The following WNT3A variants were observed in gnomAD, a reference collection of about 807,000 sequenced individuals.
WNT3A encodes protein Wnt-3a.
A neutral mutation model predicts 37.0 loss-of-function variants in WNT3A; 17 were observed. The observed-to-expected ratio is 0.46, with a 90% CI of 0.31 to 0.69. The LOEUF (loss-of-function observed/expected upper bound fraction) is 0.69. WNT3A is among the 30% of genes least tolerant of loss of function. The pLI is 0.05. For missense variants in WNT3A, 411 were observed against 510.2 expected (o/e 0.81, Z 1.87); for synonymous variants, 187 against 211.0 (o/e 0.89, Z 0.99).
chr1:228,060,520 A>C lies in WNT3A; in HGVS notation c.*1055A>C. 3.2e-6 allele frequency: 1 copy of C among 314,560 alleles called. No homozygotes were observed. Among genetic ancestry groups the C allele is most frequent in the South Asian group, 2.7e-5 (1 of 36,410 alleles). The allele number at this position is 314,560 out of a possible 1,614,324, so 19.5% of individuals were successfully genotyped here. A position where few individuals can be genotyped will look rare whatever the true frequency, so the allele number is the denominator to read the frequency against. ...AGCTTAGTCCTGGGAGAGGACAGGGACTTCGCAGAGGCAAGCGACCGAGGC... is the reference window on the plus strand; with the variant it reads ...AGCTTAGTCCTGGGAGAGGACAGGGCCTTCGCAGAGGCAAGCGACCGAGGC... On this transcript the variant is annotated 3_prime_UTR_variant, in exon 4 of 4. Transcript: ENST00000284523.
intron 2 of WNT3A, among the ~76,000 whole-genome samples, chr1:228,026,773 G>T (rs1224162785): frequency 6.6e-6 from 1 of 152,144 alleles, no homozygotes; most frequent in Non-Finnish European, 1.5e-5. Flanking sequence ...CATCCAAATT[G>T]CTGCAAATGA....
intron 2 of WNT3A, among the ~76,000 whole-genome samples, chr1:228,043,428 A>C (rs1448214033): frequency 6.6e-6 from 1 of 152,054 alleles, no homozygotes; most frequent in African/African-American, 2.4e-5. Context: ...TCCAGTGGGA[A>C]CTCCGACAGT....
rs1156613570 is a variant in WNT3A at position 228,022,732 on chromosome 1, C to T, written c.137C>T (p.Pro46Leu). 3.7e-6 allele frequency: 6 copies of T among 1,614,034 alleles called. No homozygotes were observed. The highest frequency in any genetic ancestry group is 2.2e-5 in the East Asian group (1 of 44,878). ...CAGCCCATCCTGTGTGCCAGCATCC[C>T]GGGCCTGGTCCCCAAGCAGCTCCGC... ...GSQPILCASIPGLVPKQLRFC... is the reference protein window; with the variant it reads ...GSQPILCASILGLVPKQLRFC... The change falls in exon 2 of 4, where the codon CCG (proline) becomes CTG (leucine). Residue 46 changes from proline to leucine, a missense_variant. Coordinates refer to ENST00000284523, the MANE Select transcript of WNT3A (RefSeq NM_033131.4).
intron 3 of WNT3A, among the ~76,000 whole-genome samples, chr1:228,051,944 C>G (rs2031563121): frequency 6.6e-6 from 1 of 152,148 alleles, no homozygotes; most frequent in Middle Eastern, 3.2e-3. Flanking sequence ...ACAGCACAAG[C>G]CATTCATGAG....
Position 228,007,023 on chromosome 1 carries a change from C to A in WNT3A, c.-106C>A. 1.5e-6 allele frequency: 1 copy of A among 647,050 alleles called. No homozygotes were observed. The highest frequency in any genetic ancestry group is 2.0e-6 in the Non-Finnish European group (1 of 490,178). 40.1% of individuals were successfully genotyped at this position (647,050 alleles called of 1,614,324 possible). A position where few individuals can be genotyped will look rare whatever the true frequency, so the allele number is the denominator to read the frequency against. ...GCGCACACCCGCGCACCCGCGGCCG[C>A]AGGAGGGCCCAGCGACGCCGCCGCG... On this transcript the variant is annotated 5_prime_UTR_variant, in exon 1 of 4. Transcript: ENST00000284523. This position sits in a 1 kb window ranked among gnomAD's most constrained non-coding sequence, Gnocchi z 6.0.
intron 2 of WNT3A, among the ~76,000 whole-genome samples, chr1:228,036,265 T>C (rs2031139766): frequency 1.3e-5 from 2 of 152,138 alleles, no homozygotes; most frequent in Non-Finnish European, 2.9e-5. Context: ...GCCTCTTGTG[T>C]GTGTGTGCAC....
In WNT3A at chr1:228,007,133, C is replaced by A; in HGVS notation, c.5C>A (p.Ala2Asp). 1 of 1,586,638 alleles carries A rather than the reference C, an allele frequency of 6.3e-7. No individual in the cohort carries two copies. Residue 2 changes from alanine (A) to aspartate (D), a missense_variant, in exon 1 of 4, where the codon GCC (alanine) becomes GAC (aspartate). Coordinates refer to ENST00000284523, the MANE Select transcript of WNT3A (RefSeq NM_033131.4). The surrounding 1 kb of genome is among the most constrained non-coding windows in gnomAD (Gnocchi z 6.0). ...TCCGCGCCCTCTCGCGCGGCGATGG[C>A]CCCACTCGGATACTTCTTACTCCTC... Reference protein sequence around the residue: MAPLGYFLLLCS... With the variant: MDPLGYFLLLCS...
At chr1:228,049,275 G>C (rs2031492046) in intron 2 of WNT3A, among the ~76,000 whole-genome samples, 1 of 152,314 alleles carries the variant, frequency 6.6e-6, no homozygotes, top group Admixed American at 6.5e-5. Flanking sequence ...ACACTCTGGG[G>C]TCTGCACCCC....
chr1:228,030,166 G>A (rs992809150), intron 2 of WNT3A, among the ~76,000 whole-genome samples: 33 of 151,972 alleles, frequency 2.2e-4, no homozygotes, highest in African/African-American at 6.5e-4. Flanking sequence ...AGGCGGAGGC[G>A]GGCAGATCAC....
chr1:228,045,770 G>A lies in WNT3A; in HGVS notation c.314-4886G>A, dbSNP rs1255641546. Among the ~76,000 whole-genome samples, 3 of 152,200 alleles carry A rather than the reference G, an allele frequency of 2.0e-5. No individual in the cohort carries two copies. In the East Asian group the frequency reaches 5.8e-4, roughly 29 times the overall value. On this transcript the variant is annotated intron_variant, in intron 2 of 3. Transcript: ENST00000284523. ...CCTGGGAAAGGAAACAGCGGAGGTT[G>A]CATGATGGGCCTGGGTGCCTTAGAG...
At chr1:228,043,632 T>G (rs1464568146) in intron 2 of WNT3A, among the ~76,000 whole-genome samples, 1 of 152,174 alleles carries the variant, frequency 6.6e-6, no homozygotes, top group Non-Finnish European at 1.5e-5. Context: ...CTGCCAGAAC[T>G]CCAGAGCCTG....
intron 3 of WNT3A, among the ~76,000 whole-genome samples, chr1:228,058,098 G>T (rs370559450): frequency 6.6e-5 from 10 of 152,176 alleles, no homozygotes; most frequent in African/African-American, 2.2e-4. Context: ...ACCATGCCCG[G>T]CCAGAAACAA....
chr1:228,023,078 T>A (rs1356661778), intron 2 of WNT3A, among the ~76,000 whole-genome samples, 170 bp downstream of exon 2: 2 of 152,232 alleles, frequency 1.3e-5, no homozygotes, highest in Admixed American at 6.5e-5. Flanking sequence ...GAAGCAGGAC[T>A]GAGCCTGTGG....
chr1:228,032,319 A>G (rs1176771232), intron 2 of WNT3A, among the ~76,000 whole-genome samples: 5 of 152,184 alleles, frequency 3.3e-5, no homozygotes, highest in African/African-American at 9.7e-5. Context: ...GACGATGCCC[A>G]TGGAAAGGCA....
At chr1:228,022,980 C>T (rs960530170) in intron 2 of WNT3A, 72 bp downstream of exon 2, 10 of 1,539,392 alleles carry the variant, frequency 6.5e-6, no homozygotes, top group Non-Finnish European at 8.8e-6. Flanking sequence ...CGCTGCCTGA[C>T]ATTCTCATCT....
chr1:228,057,098 G>A (rs2031697582), intron 3 of WNT3A, among the ~76,000 whole-genome samples: 2 of 152,228 alleles, frequency 1.3e-5, no homozygotes, highest in Non-Finnish European at 2.9e-5. Flanking sequence ...GGGAGAATTT[G>A]AGGCTGAATC....
chr1:228,055,179 A>ATAT (rs1409014407), intron 3 of WNT3A, among the ~76,000 whole-genome samples: 5 of 19,232 alleles, frequency 2.6e-4, no homozygotes, highest in Non-Finnish European at 4.3e-4. Flanking sequence ...AAAAAAAAAA[A>ATAT]ATATATATAT....
At chr1:228,018,785 CT>C (rs1383537735) in intron 1 of WNT3A, among the ~76,000 whole-genome samples, 1 of 152,230 alleles carries the variant, frequency 6.6e-6, no homozygotes, top group Non-Finnish European at 1.5e-5. Flanking sequence ...CTCCTCTGCA[CT>C]GCTCCCTGGC....
At chr1:228,058,399 A>C (rs1450989971) in intron 3 of WNT3A, among the ~76,000 whole-genome samples, 1 of 150,930 alleles carries the variant, frequency 6.6e-6, no homozygotes, top group Non-Finnish European at 1.5e-5. Context: ...AAGGGAAAAG[A>C]AGCTGAGTTC....
Sources: gnomAD v4.1 joint callset for allele counts (sites outside exome capture counted in the v4.1 genomes callset) on GRCh38, gnomAD v4.1.1 for gene constraint, Gnocchi (gnomAD v3.1) non-coding constraint, MANE v1.5 for transcripts, NCBI Gene and HGNC (gene_info 2026-07-23, HGNC 2026-07-21) for gene names.